Variants in NALF1 observed in about 807,000 individuals in gnomAD.
The protein encoded by NALF1 is NALCN channel auxiliary factor 1.
In NALF1, 3 loss-of-function variants were observed where a neutral mutation model predicts 48.4. That is an observed-to-expected ratio of 0.06 (90% confidence interval 0.03 to 0.16). The LOEUF is 0.16. NALF1 is among the 10% of genes least tolerant of loss of function. The pLI, the probability that NALF1 is intolerant of heterozygous loss-of-function variation, is 1.00. For synonymous variants in NALF1, 262 were observed against 245.7 expected, an observed-to-expected ratio of 1.07 and a Z score of -0.62; for missense variants, 526 against 571.5, an observed-to-expected ratio of 0.92 and a Z score of 0.81.
rs116996976 is a variant in NALF1, at chr13:107,216,259, G to A, written c.916-5504C>T. On this transcript the variant is annotated intron_variant, in intron 1 of 2. Transcript: ENST00000375915. Reference sequence around the variant, plus strand: ...CCGCCTCAGGCTAATGCACTTTGACGCATAACGCATGTTGCTACAGTTTTA... The same window carrying A: ...CCGCCTCAGGCTAATGCACTTTGACACATAACGCATGTTGCTACAGTTTTA... Among the ~76,000 whole-genome samples, 519 of 152,306 alleles carry A rather than the reference G, an allele frequency of 3.4e-3. 2 individuals are homozygous for A. The highest frequency in any genetic ancestry group is 5.2e-3 in the Non-Finnish European group (357 of 68,028).
intron 1 of NALF1, among the ~76,000 whole-genome samples, chr13:107,640,047 T>C (rs780033503): frequency 1.3e-5 from 2 of 152,180 alleles, no homozygotes; most frequent in African/African-American, 4.8e-5. Flanking sequence ...TTCAAAAGGA[T>C]TGGAATCATT....
intron 1 of NALF1, among the ~76,000 whole-genome samples, chr13:107,451,760 G>T (rs74114543): frequency 1.9e-4 from 29 of 152,132 alleles, no homozygotes; most frequent in African/African-American, 7.0e-4. Flanking sequence ...ATCCAATTTT[G>T]CACCCTCTTT....
intron 1 of NALF1, among the ~76,000 whole-genome samples, chr13:107,696,111 T>G (rs1881695747): frequency 6.6e-6 from 1 of 152,180 alleles, no homozygotes; most frequent in African/African-American, 2.4e-5. Flanking sequence ...TTGGCCAGGC[T>G]GGCCTTGAAC....
At chr13:107,448,437 G>A (rs776507960) in intron 1 of NALF1, among the ~76,000 whole-genome samples, 3 of 152,094 alleles carry the variant, frequency 2.0e-5, no homozygotes, top group Non-Finnish European at 4.4e-5. Flanking sequence ...CTGGCACCTT[G>A]GACCACGTCA....
At chr13:107,530,851 T>C (rs1169452125) in intron 1 of NALF1, among the ~76,000 whole-genome samples, 1 of 152,100 alleles carries the variant, frequency 6.6e-6, no homozygotes, top group Admixed American at 6.6e-5. Flanking sequence ...ATTCTCCTTA[T>C]AAAGTTTTAA....
At chr13:107,749,156 GTGT>G (rs1876864249) in intron 1 of NALF1, among the ~76,000 whole-genome samples, 1 of 151,888 alleles carries the variant, frequency 6.6e-6, no homozygotes, top group Non-Finnish European at 1.5e-5. Flanking sequence ...GTGTGTGTGT[GTGT>G]GTGTGTCTAC....
intron 1 of NALF1, among the ~76,000 whole-genome samples, chr13:107,816,004 TA>T (rs1468289579): frequency 6.6e-6 from 1 of 152,174 alleles, no homozygotes; most frequent in Non-Finnish European, 1.5e-5. Flanking sequence ...GAGTGGCTGC[TA>T]ATAGATATCA....
At chr13:107,307,633 A>AT (rs1170131778) in intron 1 of NALF1, among the ~76,000 whole-genome samples, 10 of 72,018 alleles carry the variant, frequency 1.4e-4, no homozygotes, top group South Asian at 1.6e-3. Flanking sequence ...TTCCTTTTTT[A>AT]TTAAAAAAAA....
intron 1 of NALF1, among the ~76,000 whole-genome samples, chr13:107,449,907 A>C (rs1398235430): frequency 1.3e-5 from 2 of 152,184 alleles, no homozygotes; most frequent in Non-Finnish European, 2.9e-5. Context: ...ACAGCTAGTA[A>C]GTAGGCAGAG....
intron 1 of NALF1, among the ~76,000 whole-genome samples, chr13:107,603,000 C>G (rs1424832029): frequency 6.6e-6 from 1 of 152,152 alleles, no homozygotes; most frequent in Non-Finnish European, 1.5e-5. Context: ...CATAGACAGA[C>G]TCTCTGGTCT....
At chr13:107,728,520 C>T (rs576948120) in intron 1 of NALF1, among the ~76,000 whole-genome samples, 13 of 139,536 alleles carry the variant, frequency 9.3e-5, no homozygotes, top group Admixed American at 5.9e-4. Flanking sequence ...CACCACACAC[C>T]GGGGTCTGTC....
At chr13:107,454,605 A>G (rs926034988) in intron 1 of NALF1, among the ~76,000 whole-genome samples, 2 of 152,138 alleles carry the variant, frequency 1.3e-5, no homozygotes, top group Non-Finnish European at 2.9e-5. Flanking sequence ...TGGAGACACA[A>G]AGTCTAACCA....
chr13:107,268,143 C>T (rs971810386), intron 1 of NALF1, among the ~76,000 whole-genome samples: 3 of 152,010 alleles, frequency 2.0e-5, no homozygotes, highest in Admixed American at 6.6e-5. Context: ...TGCACCACCA[C>T]CACACCCAGC....
chr13:107,482,105 G>C (rs1036526907), intron 1 of NALF1, among the ~76,000 whole-genome samples: 11 of 151,902 alleles, frequency 7.2e-5, no homozygotes, highest in Non-Finnish European at 1.3e-4. Flanking sequence ...TGGACCTTGG[G>C]TAAAGCAGAT....
intron 1 of NALF1, among the ~76,000 whole-genome samples, chr13:107,214,398 T>C (rs1879829826): frequency 6.6e-6 from 1 of 152,236 alleles, no homozygotes; most frequent in Non-Finnish European, 1.5e-5. Context: ...GGCCTTCTCC[T>C]ATAGAGAGAA....
intron 1 of NALF1, among the ~76,000 whole-genome samples, chr13:107,633,208 A>G (rs945740347): frequency 3.3e-5 from 5 of 152,150 alleles, no homozygotes; most frequent in African/African-American, 9.7e-5. Flanking sequence ...GACTTTTAAA[A>G]TAAGTGTTTA....
At chr13:107,518,970 TA>T (rs1876149532) in intron 1 of NALF1, among the ~76,000 whole-genome samples, 1 of 152,080 alleles carries the variant, frequency 6.6e-6, no homozygotes, top group African/African-American at 2.4e-5. Flanking sequence ...AAGGTTGAAG[TA>T]AACTAGCAAA....
At chr13:107,401,266 G>A (rs1408645680) in intron 1 of NALF1, among the ~76,000 whole-genome samples, 2 of 152,056 alleles carry the variant, frequency 1.3e-5, no homozygotes, top group Non-Finnish European at 2.9e-5. Context: ...CTGTCTCAGC[G>A]ATCTGATTGA....
chr13:107,376,031 A>C (rs1361090771), intron 1 of NALF1, among the ~76,000 whole-genome samples: 1 of 152,166 alleles, frequency 6.6e-6, no homozygotes, highest in Non-Finnish European at 1.5e-5. Context: ...ATCATGAAGA[A>C]TTTTGTGGCT....
Sources: gnomAD v4.1 joint callset for allele counts (sites outside exome capture counted in the v4.1 genomes callset) on GRCh38, gnomAD v4.1.1 for gene constraint, MANE v1.5 for transcripts, NCBI Gene and HGNC (gene_info 2026-07-23, HGNC 2026-07-21) for gene names.